The following CELF2 variants were observed in gnomAD, a reference collection of about 807,000 sequenced individuals.
CELF2 encodes the protein CUG triplet repeat RNA-binding protein 2.
A neutral mutation model predicts 62.6 loss-of-function variants in CELF2; 8 were observed. The observed-to-expected ratio is 0.13, with a 90% CI of 0.07 to 0.23. CELF2 has a LOEUF of 0.23. Ranked by LOEUF, CELF2 falls within the 10% of genes least tolerant of loss-of-function variation. The pLI is 1.00. For missense variants in CELF2, 333 were observed against 671.0 expected (o/e 0.50, Z 5.56); for synonymous variants, 258 against 250.0 (o/e 1.03, Z -0.30).
intron 1 of CELF2, among the ~76,000 whole-genome samples, chr10:11,051,592 C>T (rs2063933732): frequency 6.6e-6 from 1 of 152,160 alleles, no homozygotes; most frequent in South Asian, 2.1e-4. Flanking sequence ...CCACAATGTG[C>T]TAAGGTTTCA....
the CELF2 span, among the ~76,000 whole-genome samples, chr10:10,785,394 A>G: frequency 1.3e-5 from 2 of 152,240 alleles, no homozygotes; most frequent in African/African-American, 2.4e-5. Context: ...AGGAAATAAA[A>G]TCAATATGTT....
At chr10:10,504,550 T>A in the CELF2 span, among the ~76,000 whole-genome samples, 2 of 152,292 alleles carry the variant, frequency 1.3e-5, no homozygotes, top group Non-Finnish European at 2.9e-5. Flanking sequence ...TTTGGATATA[T>A]CCTGTAGGTT....
the CELF2 span, among the ~76,000 whole-genome samples, chr10:10,702,826 C>T: frequency 6.6e-6 from 1 of 152,190 alleles, no homozygotes; most frequent in Non-Finnish European, 1.5e-5. Context: ...CCTCATGGTT[C>T]ACCCACCTAG....
At chr10:10,647,373 G>A in the CELF2 span, among the ~76,000 whole-genome samples, 3 of 152,174 alleles carry the variant, frequency 2.0e-5, no homozygotes, top group Admixed American at 6.5e-5. Flanking sequence ...TTACATAAAA[G>A]CCGTTTTAGA....
At chr10:11,030,950 C>T (rs1306262086) in intron 1 of CELF2, 1 of 152,192 alleles carries the variant, frequency 6.6e-6, no homozygotes, top group Non-Finnish European at 1.5e-5. Context: ...GATAAAGAAG[C>T]AATTAACATT....
At chr10:10,701,739 C>T in the CELF2 span, among the ~76,000 whole-genome samples, 5 of 152,046 alleles carry the variant, frequency 3.3e-5, no homozygotes, top group East Asian at 5.8e-4. Flanking sequence ...ACCAAGAGGC[C>T]GTGCGGGGTG....
chr10:10,517,464 T>A, the CELF2 span, among the ~76,000 whole-genome samples: 3 of 152,154 alleles, frequency 2.0e-5, no homozygotes, highest in African/African-American at 7.2e-5. Context: ...CCTGGTCAGC[T>A]CCATTCATAA....
the CELF2 span, chr10:10,792,672 G>C: frequency 2.6e-6 from 1 of 385,742 alleles, no homozygotes; most frequent in Admixed American, 4.5e-5. Context: ...TTTTCCTTTG[G>C]GTATTCCTTT....
chr10:10,694,453 T>A, the CELF2 span, among the ~76,000 whole-genome samples: 8 of 151,920 alleles, frequency 5.3e-5, no homozygotes, highest in Admixed American at 2.6e-4. Flanking sequence ...ATTTTGGAAT[T>A]GGTGTGGCAT....
chr10:11,060,315 TAGTC>T (rs2066425105), intron 1 of CELF2, among the ~76,000 whole-genome samples: 1 of 152,242 alleles, frequency 6.6e-6, no homozygotes, highest in African/African-American at 2.4e-5. Context: ...GTTCCCGGCA[TAGTC>T]AGTGGTGCCT....
chr10:10,890,832 T>C lies in CELF2; in HGVS notation c.54-29132T>C, dbSNP rs191051784. ...GAGTTCAAGACCAGCCTGACCAACA[T>C]GGTAAAACCCCTTTTCTACTAAAAA... On this transcript the variant is annotated intron_variant, in intron 1 of 13. Coordinates refer to the CELF2 transcript ENST00000636488. 1.4e-3 allele frequency among the ~76,000 whole-genome samples: 214 copies of C among 152,298 alleles called. 1 individual carries two copies. Among genetic ancestry groups the C allele is most frequent in the East Asian group, 5.6e-3 (29 of 5,190 alleles).
chr10:11,325,704 T>C (rs1053631264), intron 11 of CELF2, 132 bp from the exon 12 acceptor site: 6 of 763,106 alleles, frequency 7.9e-6, no homozygotes, highest in Admixed American at 3.2e-5. Context: ...ACTCCAGCAC[T>C]TGACATTTAT....
At chr10:11,327,691 T>C (rs1021057516) in intron 12 of CELF2, among the ~76,000 whole-genome samples, 22 of 152,188 alleles carry the variant, frequency 1.4e-4, no homozygotes, top group African/African-American at 5.3e-4. Context: ...CAGATCACAT[T>C]TATTGGGAAT....
chr10:10,530,705 G>C, the CELF2 span, among the ~76,000 whole-genome samples: 2 of 152,146 alleles, frequency 1.3e-5, no homozygotes, highest in Non-Finnish European at 2.9e-5. Flanking sequence ...ATTGATACCT[G>C]GTTACCTACA....
chr10:11,025,025 T>C (rs143333386), intron 1 of CELF2, among the ~76,000 whole-genome samples: 2 of 152,246 alleles, frequency 1.3e-5, no homozygotes, highest in East Asian at 3.9e-4. Flanking sequence ...AATTTTAAGG[T>C]GGTATTTTAT....
the CELF2 span, among the ~76,000 whole-genome samples, chr10:10,693,442 G>GT: frequency 4.6e-3 from 700 of 151,366 alleles, 6 homozygotes; most frequent in Middle Eastern, 0.01. Flanking sequence ...TTGCATCAAT[G>GT]TTCATCAAGG....
At chr10:11,173,700 T>C (rs1164631962) in intron 2 of CELF2, among the ~76,000 whole-genome samples, 1 of 152,206 alleles carries the variant, frequency 6.6e-6, no homozygotes, top group Non-Finnish European at 1.5e-5. Flanking sequence ...CCATCCATTC[T>C]CCTGCTTCAT....
chr10:10,932,141 T>C (rs2066135691), intron 2 of CELF2, among the ~76,000 whole-genome samples: 1 of 152,002 alleles, frequency 6.6e-6, no homozygotes, highest in Admixed American at 6.6e-5. Context: ...CAAGGAAATA[T>C]ATGAGGTCCT....
the CELF2 span, among the ~76,000 whole-genome samples, chr10:10,606,576 C>CA: frequency 6.6e-6 from 1 of 152,104 alleles, no homozygotes; most frequent in South Asian, 2.1e-4. Context: ...GTTATGGTCA[C>CA]AAAACTAGAA....
Sources: allele counts gnomAD v4.1 joint callset (sites outside exome capture counted in the v4.1 genomes callset), GRCh38; gene constraint gnomAD v4.1.1; transcripts MANE v1.5; gene names NCBI Gene and HGNC (gene_info 2026-07-23, HGNC 2026-07-21).